Variants in PRKCA observed in about 807,000 individuals in gnomAD.
PRKCA encodes protein kinase C alpha type.
In PRKCA, 27 loss-of-function variants were observed where a neutral mutation model predicts 87.0. That is an observed-to-expected ratio of 0.31 (90% confidence interval 0.23 to 0.43). The LOEUF (loss-of-function observed/expected upper bound fraction) is 0.43. Among genes scored for constraint, PRKCA ranks in the 20% least tolerant of loss-of-function variants. The probability of loss-of-function intolerance (pLI) is 1.00; values close to 1 mark genes in which losing one functional copy is unlikely to be tolerated. For missense variants in PRKCA, 518 were observed against 852.3 expected (o/e 0.61, Z 4.88); for synonymous variants, 329 against 311.1 (o/e 1.06, Z -0.61).
At chr17:66,501,759 TC>T (rs1172655475) in intron 3 of PRKCA, among the ~76,000 whole-genome samples, 6 of 152,152 alleles carry the variant, frequency 3.9e-5, no homozygotes, top group Non-Finnish European at 8.8e-5. Flanking sequence ...AAATGGCTTC[TC>T]CCCCTTCTCC....
chr17:66,653,454 G>A (rs982197770), intron 5 of PRKCA, among the ~76,000 whole-genome samples: 3 of 152,224 alleles, frequency 2.0e-5, no homozygotes, highest in Admixed American at 1.3e-4. Context: ...AACCAGATGT[G>A]GTGGTGTGCA....
At chr17:66,325,498 G>A (rs1426114044) in intron 2 of PRKCA, among the ~76,000 whole-genome samples, 1 of 152,104 alleles carries the variant, frequency 6.6e-6, no homozygotes, top group Non-Finnish European at 1.5e-5. Context: ...AATACTAGGA[G>A]TAGACTTGTG....
intron 5 of PRKCA, among the ~76,000 whole-genome samples, chr17:66,669,973 G>A (rs1598859811): frequency 6.6e-6 from 1 of 152,162 alleles, no homozygotes; most frequent in Non-Finnish European, 1.5e-5. Flanking sequence ...AGAATATATA[G>A]GTGACCTACA....
intron 2 of PRKCA, chr17:66,340,143 T>C (rs1906951171): frequency 6.6e-6 from 1 of 152,146 alleles, no homozygotes; most frequent in Admixed American, 6.6e-5. Flanking sequence ...TTAAACTCTT[T>C]GGGGAAACAG....
In PRKCA at chr17:66,804,919, A is replaced by T; in HGVS notation, c.*882A>T. On this transcript the variant is annotated 3_prime_UTR_variant, in exon 17 of 17. Coordinates refer to ENST00000413366, the MANE Select transcript of PRKCA (RefSeq NM_002737.3). ...GTGTTGTTCACCAACACCCACCCCC[A>T]CACACACCAACATTTTGCTGCCTAC... 2 of 894,856 alleles carry T rather than the reference A, an allele frequency of 2.2e-6. No homozygotes were observed. The highest frequency in any genetic ancestry group is 5.2e-5 in the South Asian group (1 of 19,414). The allele number at this position is 894,856 out of a possible 1,614,324, so 55.4% of individuals were successfully genotyped here.
At chr17:66,353,223 C>G (rs1432139394) in intron 2 of PRKCA, among the ~76,000 whole-genome samples, 1 of 152,186 alleles carries the variant, frequency 6.6e-6, no homozygotes, top group African/African-American at 2.4e-5. Context: ...ACAAGCAGAT[C>G]TTTCTGCACA....
chr17:66,561,942 AAG>A (rs1968692070), intron 3 of PRKCA, among the ~76,000 whole-genome samples: 1 of 151,516 alleles, frequency 6.6e-6, no homozygotes, highest in Non-Finnish European at 1.5e-5. Context: ...TGGAAGATGA[AAG>A]AGTTGTTGAG....
chr17:66,654,492 G>C (rs1567957645), intron 5 of PRKCA, among the ~76,000 whole-genome samples: 1 of 152,190 alleles, frequency 6.6e-6, no homozygotes. Flanking sequence ...CCCGCAGCCT[G>C]CCCAGCTGCC....
chr17:66,746,542 T>C (rs939515751), intron 13 of PRKCA, among the ~76,000 whole-genome samples: 1 of 152,186 alleles, frequency 6.6e-6, no homozygotes, highest in Non-Finnish European at 1.5e-5. Flanking sequence ...AGAGACAAAA[T>C]CATTATCTTG....
At chr17:66,334,633 T>C (rs182504493) in intron 2 of PRKCA, among the ~76,000 whole-genome samples, 1 of 152,296 alleles carries the variant, frequency 6.6e-6, no homozygotes, top group East Asian at 1.9e-4. Flanking sequence ...TGAGGATACA[T>C]TAGAACTCTT....
intron 3 of PRKCA, among the ~76,000 whole-genome samples, chr17:66,581,710 C>T (rs1326178912): frequency 6.6e-6 from 1 of 152,094 alleles, no homozygotes; most frequent in Non-Finnish European, 1.5e-5. Flanking sequence ...CTCCTAACCT[C>T]GTGATCTGCC....
chr17:66,528,524 G>T lies in PRKCA; in HGVS notation c.288+32241G>T, dbSNP rs1967426887. Among the ~76,000 whole-genome samples, 4 of 152,242 alleles carry T rather than the reference G, an allele frequency of 2.6e-5. No homozygotes were observed. The South Asian group carries it at 8.3e-4, about 32-fold the overall frequency. ...ACAAAAGGATGCAGAAGCAGAGTTG[G>T]GAGGGTTGCCCTTCAAACATGGAGG... On this transcript the variant is annotated intron_variant, in intron 3 of 16. Coordinates refer to ENST00000413366, the MANE Select transcript of PRKCA (RefSeq NM_002737.3).
chr17:66,321,337 T>C (rs1905645380), intron 2 of PRKCA, among the ~76,000 whole-genome samples: 1 of 152,200 alleles, frequency 6.6e-6, no homozygotes, highest in Admixed American at 6.5e-5. Context: ...AATGAGAAAC[T>C]GAAGACAGTT....
chr17:66,424,055 G>T (rs1912644424), intron 2 of PRKCA, among the ~76,000 whole-genome samples: 1 of 152,070 alleles, frequency 6.6e-6, no homozygotes, highest in Non-Finnish European at 1.5e-5. Flanking sequence ...GAACTCCTAG[G>T]GGGAGGCTCT....
At chr17:66,648,224 C>T (rs1971503615) in intron 5 of PRKCA, among the ~76,000 whole-genome samples, 1 of 152,170 alleles carries the variant, frequency 6.6e-6, no homozygotes, top group Non-Finnish European at 1.5e-5. Flanking sequence ...TGAAGGTTAT[C>T]CCGAAAGGAT....
intron 2 of PRKCA, among the ~76,000 whole-genome samples, chr17:66,432,436 T>G (rs1913148009): frequency 6.6e-6 from 1 of 152,234 alleles, no homozygotes; most frequent in South Asian, 2.1e-4. Flanking sequence ...TTTTGATGTT[T>G]TCTCAGACAA....
chr17:66,617,316 G>A (rs183657655), intron 3 of PRKCA, among the ~76,000 whole-genome samples: 240 of 152,198 alleles, frequency 1.6e-3, no homozygotes, highest in Middle Eastern at 3.4e-3. Flanking sequence ...ATCCTGGCTC[G>A]TTGGCTGGTT....
intron 8 of PRKCA, among the ~76,000 whole-genome samples, chr17:66,721,946 C>T (rs1016846035): frequency 6.6e-6 from 1 of 152,130 alleles, no homozygotes; most frequent in Non-Finnish European, 1.5e-5. Context: ...CACAATTAGA[C>T]ATTAAACAGT....
At chr17:66,708,245 G>A (rs1973236235) in intron 8 of PRKCA, among the ~76,000 whole-genome samples, 1 of 152,186 alleles carries the variant, frequency 6.6e-6, no homozygotes, top group African/African-American at 2.4e-5. Flanking sequence ...GTTAACATTT[G>A]GCACTAGTGC....
Sources: gnomAD v4.1 joint callset for allele counts (sites outside exome capture counted in the v4.1 genomes callset) on GRCh38, gnomAD v4.1.1 for gene constraint, MANE v1.5 for transcripts, NCBI Gene and HGNC (gene_info 2026-07-23, HGNC 2026-07-21) for gene names.